Variants in SLAMF7 observed in about 807,000 individuals in gnomAD.
SLAMF7 encodes 19A24 protein.
SLAMF7 carries 26 observed loss-of-function variants against 34.1 expected under a neutral mutation model. The observed-to-expected ratio is 0.76, with a 90% CI of 0.56 to 1.06. SLAMF7 has a LOEUF of 1.06. Among genes scored for constraint, SLAMF7 ranks in the 50% least tolerant of loss-of-function variants. SLAMF7 has a pLI of 0.00. For synonymous variants in SLAMF7, 171 were observed against 156.4 expected, an observed-to-expected ratio of 1.09 and a Z score of -0.70; for missense variants, 399 against 402.5, an observed-to-expected ratio of 0.99 and a Z score of 0.07.
In SLAMF7 at chr1:160,754,191, C is replaced by A. The variant is rs1054953526; in HGVS notation, c.*1014C>A. 6.6e-6 allele frequency: 1 copy of A among 152,244 alleles called. No individual in the cohort carries two copies. Among genetic ancestry groups the A allele is most frequent in the African/African-American group, 2.4e-5 (1 of 41,416 alleles). The allele number at this position is 152,244 out of a possible 1,614,324, so 9.4% of individuals were successfully genotyped here. On this transcript the variant is annotated 3_prime_UTR_variant, in exon 7 of 7. Transcript: ENST00000368043. ...ATGCGGCCCGGCATGGTGGCTCACA[C>A]CTGTAATCCCAGCACTTTGGGAGGC...
At chr1:160,745,374 T>C (rs1448929111) in intron 1 of SLAMF7, among the ~76,000 whole-genome samples, 1 of 152,174 alleles carries the variant, frequency 6.6e-6, no homozygotes, top group African/African-American at 2.4e-5. Context: ...GGGAGAAGGC[T>C]GGAGCTGGTA....
chr1:160,743,352 G>A (rs191763744), intron 1 of SLAMF7, among the ~76,000 whole-genome samples: 1 of 152,326 alleles, frequency 6.6e-6, no homozygotes, highest in Admixed American at 6.5e-5. Context: ...AGTGAGCTGA[G>A]GATCAGGGGA....
chr1:160,748,044 G>T (rs1664270934), intron 1 of SLAMF7, 150 bp from the exon 2 acceptor site: 2 of 653,482 alleles, frequency 3.1e-6, no homozygotes, highest in Non-Finnish European at 5.3e-6. Flanking sequence ...ACATGTGAGG[G>T]ACCTCTATAT....
chr1:160,750,440 T>G lies in SLAMF7; in HGVS notation c.769+17T>G. On this transcript the variant is annotated intron_variant, in intron 4 of 6. Transcript: ENST00000368043. ...GACAAGAAGGTAGAGCGTGTACTAT[T>G]TTTGTCCTCACCCACATTCATGTTT... The G allele has an allele frequency of 6.2e-7, 1 of 1,610,964 alleles. No homozygotes were observed. Among genetic ancestry groups the G allele is most frequent in the East Asian group, 2.2e-5 (1 of 44,868 alleles).
chr1:160,746,031 T>C (rs1488906902), intron 1 of SLAMF7, among the ~76,000 whole-genome samples: 1 of 152,162 alleles, frequency 6.6e-6, no homozygotes, highest in Non-Finnish European at 1.5e-5. Flanking sequence ...GTTACATCAG[T>C]ACTGGAGTAG....
chr1:160,751,332 A>C lies in SLAMF7; in HGVS notation c.770-13A>C. 1 of 1,601,150 alleles carries C rather than the reference A, an allele frequency of 6.2e-7. No homozygotes were observed. Among genetic ancestry groups the C allele is most frequent in the Non-Finnish European group, 8.6e-7 (1 of 1,168,186 alleles). ...GGAGAGGTGGCTTTGATTCTCTCCC[A>C]ACTTGCTTTTAGAGTACATTGAAGA... is the stretch of plus-strand genomic sequence containing the variant. On this transcript the variant is annotated splice_polypyrimidine_tract_variant and intron_variant, in intron 4 of 6. Transcript: ENST00000368043.
chr1:160,751,657 C>T (rs962767698), intron 5 of SLAMF7: 9 of 509,306 alleles, frequency 1.8e-5, no homozygotes, highest in Non-Finnish European at 2.8e-5. Flanking sequence ...CTGGTTCTGA[C>T]TCACAATGCT....
intron 5 of SLAMF7, chr1:160,751,862 C>CTCTCTATA (rs1664646652): frequency 4.8e-5 from 2 of 41,926 alleles, no homozygotes; most frequent in Admixed American, 3.1e-4. Flanking sequence ...CTCTCTCTCT[C>CTCTCTATA]TATATATATA....
At chr1:160,751,041 C>A in intron 4 of SLAMF7, 1 of 354,108 alleles carries the variant, frequency 2.8e-6, no homozygotes, top group Non-Finnish European at 5.3e-6. Context: ...GACTTGCAGA[C>A]TTTGAAATCT....
chr1:160,746,596 T>C (rs1664149582), intron 1 of SLAMF7, among the ~76,000 whole-genome samples: 1 of 152,212 alleles, frequency 6.6e-6, no homozygotes, highest in African/African-American at 2.4e-5. Context: ...TTAAAAGAAT[T>C]TATATGAGAG....
At chr1:160,744,928 G>T (rs1000934181) in intron 1 of SLAMF7, among the ~76,000 whole-genome samples, 1 of 152,164 alleles carries the variant, frequency 6.6e-6, no homozygotes, top group Non-Finnish European at 1.5e-5. Context: ...GATGAACAAA[G>T]AGAGCAGTCG....
At chr1:160,751,528 A>G in intron 5 of SLAMF7, 80 bp downstream of exon 5, 1 of 1,148,996 alleles carries the variant, frequency 8.7e-7, no homozygotes, top group South Asian at 1.3e-5. Context: ...GGGTTTGGAC[A>G]ACATGGGAAT....
intron 1 of SLAMF7, among the ~76,000 whole-genome samples, chr1:160,741,891 A>T (rs1663776768): frequency 6.6e-6 from 1 of 152,152 alleles, no homozygotes. Flanking sequence ...GGATTGGACT[A>T]AGTAATCCCT....
chr1:160,753,036 C>A, intron 6 of SLAMF7, 70 bp from the exon 7 acceptor site: 1 of 1,423,396 alleles, frequency 7.0e-7, no homozygotes, highest in South Asian at 1.2e-5. Context: ...TCCTGGATGT[C>A]AGGGTCTCCA....
chr1:160,750,034 C>T lies in SLAMF7; in HGVS notation c.590C>T (p.Ala197Val), dbSNP rs1296561211. ...GESDMTFICV[A>V]RNPVSRNFSS... is the part of the protein sequence containing the mutation. The stretch of plus-strand genomic sequence containing the variant: ...AGTGATATGACCTTCATCTGCGTTG[C>T]CAGGAACCCTGTCAGCAGAAACTTC... Residue 197 changes from alanine to valine, a missense_variant, in exon 3 of 7, where the codon GCC becomes GTC. Transcript: ENST00000368043. 6.2e-7 allele frequency: 1 copy of T among 1,614,122 alleles called. No homozygotes were observed. Among genetic ancestry groups the T allele is most frequent in the Admixed American group, 1.7e-5 (1 of 60,024 alleles).
chr1:160,746,524 A>T (rs1362256783), intron 1 of SLAMF7, among the ~76,000 whole-genome samples: 1 of 152,234 alleles, frequency 6.6e-6, no homozygotes, highest in Admixed American at 6.5e-5. Context: ...TGGGTTTTGT[A>T]CTTTTAAGGA....
At chr1:160,746,557 T>C (rs773178418) in intron 1 of SLAMF7, among the ~76,000 whole-genome samples, 11 of 152,270 alleles carry the variant, frequency 7.2e-5, no homozygotes, top group African/African-American at 1.2e-4. Flanking sequence ...TGACAGCTGA[T>C]GTGAGACCTC....
chr1:160,745,096 T>C (rs1488251221), intron 1 of SLAMF7, among the ~76,000 whole-genome samples: 1 of 152,098 alleles, frequency 6.6e-6, no homozygotes, highest in Non-Finnish European at 1.5e-5. Context: ...AAAAGAGAAA[T>C]CAGCTCCTAA....
At chr1:160,751,605 G>T in intron 5 of SLAMF7, 157 bp downstream of exon 5, 1 of 602,862 alleles carries the variant, frequency 1.7e-6, no homozygotes, top group Non-Finnish European at 2.9e-6. Context: ...AGTCTTCATG[G>T]ATTCTCTTCT....
Sources: gnomAD v4.1 joint callset for allele counts (sites outside exome capture counted in the v4.1 genomes callset) on GRCh38, gnomAD v4.1.1 for gene constraint, MANE v1.5 for transcripts, NCBI Gene and HGNC (gene_info 2026-07-23, HGNC 2026-07-21) for gene names.